HACE1: variants seen among roughly 807,000 people sequenced by gnomAD.
HACE1 encodes E3 ubiquitin-protein ligase HACE1.
HACE1 carries 73 observed loss-of-function variants against 118.4 expected under a neutral mutation model. That is an observed-to-expected ratio of 0.62 (90% CI 0.51 to 0.75). The LOEUF (loss-of-function observed/expected upper bound fraction) is 0.75. Among genes scored for constraint, HACE1 ranks in the 30% least tolerant of loss-of-function variants. The pLI is 0.00. For synonymous variants in HACE1, 368 were observed against 374.8 expected (o/e 0.98, Z 0.21); for missense variants, 749 against 1,102.2 (o/e 0.68, Z 4.54).
At chr6:104,775,271 G>C (rs1781109074) in intron 17 of HACE1, among the ~76,000 whole-genome samples, 1 of 152,036 alleles carries the variant, frequency 6.6e-6, no homozygotes, top group African/African-American at 2.4e-5. Flanking sequence ...AGCCATACCA[G>C]CTACTCGGGA....
At chr6:104,756,903 G>A (rs1196775491) in intron 19 of HACE1, among the ~76,000 whole-genome samples, 1 of 152,212 alleles carries the variant, frequency 6.6e-6, no homozygotes, top group Admixed American at 6.5e-5. Flanking sequence ...TTCTGTGCCT[G>A]GCTCAGAGGG....
chr6:104,818,118 T>G (rs72996415), intron 6 of HACE1, among the ~76,000 whole-genome samples: 1 of 152,186 alleles, frequency 6.6e-6, no homozygotes, highest in Non-Finnish European at 1.5e-5. Context: ...TACCCCAACA[T>G]GAATTCTATA....
At chr6:104,814,249 C>T (rs28445416) in intron 6 of HACE1, among the ~76,000 whole-genome samples, 37,612 of 136,454 alleles carry the variant, frequency 0.28, 11,352 homozygotes, top group African/African-American at 0.55. Flanking sequence ...TCTATTAAAT[C>T]AAAAGACCTT....
At chr6:104,729,842 T>C (rs1426759310) in intron 23 of HACE1, 78 bp from the exon 24 acceptor site, 26 of 735,934 alleles carry the variant, frequency 3.5e-5, no homozygotes, top group Non-Finnish European at 5.7e-5. Context: ...GTGAAAACAC[T>C]ACTCATAATT....
intron 17 of HACE1, among the ~76,000 whole-genome samples, chr6:104,774,713 A>G (rs1038762356): frequency 6.6e-6 from 1 of 152,182 alleles, no homozygotes; most frequent in Non-Finnish European, 1.5e-5. Context: ...TGAGGACACA[A>G]AGGCGCAGAA....
chr6:104,829,910 T>C (rs1302813557), intron 6 of HACE1, among the ~76,000 whole-genome samples: 2 of 152,224 alleles, frequency 1.3e-5, no homozygotes, highest in African/African-American at 4.8e-5. Context: ...TGGAGTATAT[T>C]ATACTTATAC....
At chr6:104,771,095 A>C (rs1286710676) in intron 19 of HACE1, 98 bp downstream of exon 19, 3 of 843,268 alleles carry the variant, frequency 3.6e-6, no homozygotes, top group African/African-American at 1.7e-5. Context: ...CTGTAATAGT[A>C]AAAGTTTTTC....
intron 6 of HACE1, among the ~76,000 whole-genome samples, chr6:104,823,910 T>A (rs1773047689): frequency 6.6e-6 from 1 of 152,136 alleles, no homozygotes; most frequent in Non-Finnish European, 1.5e-5. Context: ...AATCACAGTT[T>A]TAAGAAACTC....
chr6:104,791,298 A>G (rs955831936), intron 11 of HACE1, among the ~76,000 whole-genome samples: 1 of 152,348 alleles, frequency 6.6e-6, no homozygotes, highest in African/African-American at 2.4e-5. Flanking sequence ...AAAAAATTTT[A>G]TTTGTAAGAA....
rs749342313 is a variant in HACE1, at chr6:104,750,458, C to T, written c.2226G>A (p.Gln742=). 3 of 1,613,636 alleles carry T rather than the reference C, an allele frequency of 1.9e-6. No homozygotes were observed. The highest frequency in any genetic ancestry group is 2.2e-5 in the East Asian group (1 of 44,842). ...VTQNNKAEYV[Q]LVTELRMTRA... is the part of the protein sequence containing the mutation. ...TTGTCATTCGAAGTTCAGTAACAAG[C>T]TGGACGTACTCCGCCTGTTGAAAAA... The change falls in exon 20 of 24, where the codon CAG becomes CAA. Residue 742 remains glutamine (Q), a synonymous_variant. Coordinates refer to ENST00000262903, the MANE Select transcript of HACE1 (RefSeq NM_020771.4).
At chr6:104,772,765 T>C (rs1228465584) in intron 17 of HACE1, among the ~76,000 whole-genome samples, 2 of 152,140 alleles carry the variant, frequency 1.3e-5, no homozygotes, top group Non-Finnish European at 2.9e-5. Flanking sequence ...TCCAGTGCAA[T>C]GGAATATGAA....
In HACE1 at chr6:104,772,076, T is replaced by C. The variant is rs1328199151; in HGVS notation, c.1865-2A>G. On this transcript the variant is annotated splice_acceptor_variant, in intron 17 of 23. Transcript: ENST00000262903. LOFTEE classifies it high-confidence loss of function. ...TGCTATTAGGCTGAAAAGTTGTTCC[T>C]ATTGAAATAAATACAAAATAATATA... The C allele has an allele frequency of 1.3e-6, 2 of 1,520,778 alleles. No individual in the cohort carries two copies. The highest frequency in any genetic ancestry group is 4.5e-5 in the East Asian group (2 of 44,234). 94.2% of individuals were successfully genotyped at this position (1,520,778 alleles called of 1,614,324 possible).
At chr6:104,747,067 G>A (rs973799320) in intron 20 of HACE1, among the ~76,000 whole-genome samples, 1 of 151,482 alleles carries the variant, frequency 6.6e-6, no homozygotes, top group Non-Finnish European at 1.5e-5. Flanking sequence ...AAAACAAACA[G>A]ATGAAATGAG....
Position 104,785,177 on chromosome 6 carries a change from G to A in HACE1, c.1217C>T (p.Pro406Leu). 1.2e-6 allele frequency: 2 copies of A among 1,613,932 alleles called. No homozygotes were observed. Among genetic ancestry groups the A allele is most frequent in the Non-Finnish European group, 1.7e-6 (2 of 1,179,926 alleles). ...KGQDQDAASI[P>L]PFEPPGPGSY... ...CCCAGGTCCTGGAGGTTCAAATGGA[G>A]GAATGGAAGCAGCATCTTGATCTTG... is the stretch of plus-strand genomic sequence containing the variant. Residue 406 changes from proline (P) to leucine (L), a missense_variant, in exon 12 of 24, where the codon CCT becomes CTT. By Grantham distance (98) the Pro-to-Leu change is moderately conservative (BLOSUM62 -3). This residue lies in a region of HACE1 where 267 missense variants were observed against 312.2 expected (regional missense o/e 0.86). Coordinates refer to ENST00000262903, the MANE Select transcript of HACE1 (RefSeq NM_020771.4).
At chr6:104,847,730 A>G (rs978097639) in intron 4 of HACE1, among the ~76,000 whole-genome samples, 1 of 152,114 alleles carries the variant, frequency 6.6e-6, no homozygotes, top group Non-Finnish European at 1.5e-5. Context: ...TGAGAATAGG[A>G]AACAAAAACA....
rs539737209 is a variant in HACE1, at chr6:104,739,289, C to A, written c.2513+4871G>T. 4.7e-4 allele frequency among the ~76,000 whole-genome samples: 72 copies of A among 152,136 alleles called. No homozygotes were observed. In the South Asian group the frequency reaches 0.011, roughly 24 times the overall value. On this transcript the variant is annotated intron_variant, in intron 22 of 23. Transcript: ENST00000262903. Reference sequence around the variant, plus strand: ...AACAAAATAACCAGCTAACATCATACTGACAGGATCAAATTCACACATAAC... The same window carrying A: ...AACAAAATAACCAGCTAACATCATAATGACAGGATCAAATTCACACATAAC...
chr6:104,815,910 T>C (rs1003066900), intron 6 of HACE1, among the ~76,000 whole-genome samples: 24 of 151,238 alleles, frequency 1.6e-4, no homozygotes, highest in Non-Finnish European at 2.8e-4. Flanking sequence ...CCATCTCTAC[T>C]ATAAATATAA....
intron 6 of HACE1, among the ~76,000 whole-genome samples, chr6:104,821,233 T>C (rs1200692384): frequency 6.6e-6 from 1 of 152,040 alleles, no homozygotes; most frequent in Non-Finnish European, 1.5e-5. Context: ...AAATAACTAA[T>C]GTATACTAGG....
At chr6:104,773,013 T>C (rs1434294492) in intron 17 of HACE1, among the ~76,000 whole-genome samples, 1 of 152,044 alleles carries the variant, frequency 6.6e-6, no homozygotes, top group African/African-American at 2.4e-5. Flanking sequence ...TAAATTTATA[T>C]GTGTATTTCA....
Sources: gnomAD v4.1 joint callset for allele counts (sites outside exome capture counted in the v4.1 genomes callset) on GRCh38, gnomAD v4.1.1 for gene constraint, gnomAD v4.1.1 regional missense constraint, MANE v1.5 for transcripts, NCBI Gene and HGNC (gene_info 2026-07-23, HGNC 2026-07-21) for gene names.